EYA1: variants seen among roughly 807,000 people sequenced by gnomAD.
The protein encoded by EYA1 is protein phosphatase EYA1.
EYA1 carries 16 observed loss-of-function variants against 82.0 expected under a neutral mutation model. The ratio of observed to expected loss-of-function variants is 0.20; its 90% CI spans 0.13 to 0.30. EYA1 has a LOEUF of 0.30. EYA1 is among the 10% of genes least tolerant of loss of function. EYA1 has a pLI of 1.00. For missense variants in EYA1, 633 were observed against 730.7 expected, an observed-to-expected ratio of 0.87 and a Z score of 1.54; for synonymous variants, 261 against 264.4, an observed-to-expected ratio of 0.99 and a Z score of 0.12.
At chr8:71,520,771 G>A (rs1001538338) in intron 2 of EYA1, among the ~76,000 whole-genome samples, 6 of 151,930 alleles carry the variant, frequency 3.9e-5, no homozygotes, top group South Asian at 2.1e-4. Flanking sequence ...AATGAAGTTC[G>A]GAAATAAAGA....
At chr8:71,294,413 T>C (rs1246236637) in intron 9 of EYA1, among the ~76,000 whole-genome samples, 1 of 151,998 alleles carries the variant, frequency 6.6e-6, no homozygotes, top group African/African-American at 2.4e-5. Context: ...TGAGCCGAGA[T>C]AGCGCCACGC....
intron 11 of EYA1, among the ~76,000 whole-genome samples, chr8:71,249,881 T>C (rs1422501230): frequency 6.6e-6 from 1 of 152,190 alleles, no homozygotes; most frequent in Non-Finnish European, 1.5e-5. Context: ...CCTACTGTAT[T>C]CATTCTTTAG....
At chr8:71,285,342 AGAAAG>A (rs1485929315) in intron 9 of EYA1, among the ~76,000 whole-genome samples, 1 of 152,038 alleles carries the variant, frequency 6.6e-6, no homozygotes, top group Non-Finnish European at 1.5e-5. Flanking sequence ...ATGAGAAACT[AGAAAG>A]GAGAGACTCC....
chr8:71,232,520 G>T (rs1401045861), intron 12 of EYA1, among the ~76,000 whole-genome samples: 1 of 152,188 alleles, frequency 6.6e-6, no homozygotes, highest in Non-Finnish European at 1.5e-5. Flanking sequence ...ACACTGTGAC[G>T]GGAACCAGAT....
At chr8:71,206,731 G>T (rs1048638440) in intron 17 of EYA1, among the ~76,000 whole-genome samples, 1 of 151,988 alleles carries the variant, frequency 6.6e-6, no homozygotes, top group Admixed American at 6.6e-5. Context: ...AGAGGGACTG[G>T]GATATAATAA....
At chr8:71,457,660 G>A (rs2129186311) in intron 2 of EYA1, among the ~76,000 whole-genome samples, 1 of 152,142 alleles carries the variant, frequency 6.6e-6, no homozygotes, top group Middle Eastern at 3.4e-3. Flanking sequence ...CTATCACAAG[G>A]ACAAAAAACC....
At chr8:71,230,488 C>T (rs747526494) in intron 12 of EYA1, among the ~76,000 whole-genome samples, 7 of 152,186 alleles carry the variant, frequency 4.6e-5, no homozygotes, top group South Asian at 4.1e-4. Context: ...CTGCAGGCAC[C>T]GGCCAGGAGC....
intron 2 of EYA1, among the ~76,000 whole-genome samples, chr8:71,489,069 C>A (rs373586816): frequency 6.6e-6 from 1 of 152,144 alleles, no homozygotes; most frequent in African/African-American, 2.4e-5. Context: ...TTAGGGTTCA[C>A]GCCAGGAAAG....
At chr8:71,492,499 C>CT (rs1811081226) in intron 2 of EYA1, among the ~76,000 whole-genome samples, 1 of 149,718 alleles carries the variant, frequency 6.7e-6, no homozygotes, top group Admixed American at 6.7e-5. Context: ...GAGTCTCGCT[C>CT]TGTTGCCCAG....
At chr8:71,469,673 T>A (rs1006162942) in intron 2 of EYA1, among the ~76,000 whole-genome samples, 1 of 152,096 alleles carries the variant, frequency 6.6e-6, no homozygotes. Flanking sequence ...GAATGCCCAT[T>A]AGGTGCATCC....
At chr8:71,201,431 A>ACT (rs151033006) in intron 17 of EYA1, among the ~76,000 whole-genome samples, 35 of 149,334 alleles carry the variant, frequency 2.3e-4, no homozygotes, top group African/African-American at 8.6e-4. Flanking sequence ...GTTCAAACTA[A>ACT]CTCTCTCTCT....
chr8:71,488,171 A>G (rs1282690480), intron 2 of EYA1, among the ~76,000 whole-genome samples: 1 of 152,172 alleles, frequency 6.6e-6, no homozygotes, highest in Non-Finnish European at 1.5e-5. Flanking sequence ...TACATCAATG[A>G]TATACATCAA....
intron 7 of EYA1, among the ~76,000 whole-genome samples, chr8:71,303,315 T>TACACAC (rs58345968): frequency 0.025 from 3,325 of 131,958 alleles, 299 homozygotes; most frequent in African/African-American, 0.084. Flanking sequence ...ACATTTGATA[T>TACACAC]ACACACACAC....
chr8:71,418,764 A>G (rs965445496), intron 2 of EYA1, among the ~76,000 whole-genome samples: 3 of 152,142 alleles, frequency 2.0e-5, no homozygotes, highest in Non-Finnish European at 2.9e-5. Context: ...CCAGATGACG[A>G]TGAGTGCTGT....
chr8:71,302,092 T>C (rs1820261759), intron 7 of EYA1, among the ~76,000 whole-genome samples: 1 of 152,212 alleles, frequency 6.6e-6, no homozygotes, highest in African/African-American at 2.4e-5. Flanking sequence ...TCAATGCTTT[T>C]TTAAAAGAAA....
chr8:71,203,294 C>T (rs1807299590), intron 17 of EYA1, among the ~76,000 whole-genome samples: 1 of 152,148 alleles, frequency 6.6e-6, no homozygotes, highest in Non-Finnish European at 1.5e-5. Context: ...CTGCATAGCA[C>T]CGTAGCTACA....
chr8:71,361,075 C>T (rs1586545600), intron 1 of EYA1, among the ~76,000 whole-genome samples: 1 of 152,228 alleles, frequency 6.6e-6, no homozygotes, highest in East Asian at 1.9e-4. Context: ...TGTTATATCA[C>T]CTTCTGAAGA....
chr8:71,501,787 G>T (rs1022001852), intron 2 of EYA1, among the ~76,000 whole-genome samples: 2 of 152,192 alleles, frequency 1.3e-5, no homozygotes, highest in Non-Finnish European at 2.9e-5. Context: ...CGGAAAGTCA[G>T]TTTTTCTGGA....
At chr8:71,317,710 TTATC>T (rs1822079146) in intron 6 of EYA1, 21 bp from the exon 7 acceptor site, 2 of 1,613,116 alleles carry the variant, frequency 1.2e-6, no homozygotes, top group East Asian at 2.2e-5. Context: ...TAGTGATAGC[TTATC>T]TATCTGTCCA....
Sources: allele counts gnomAD v4.1 joint callset (sites outside exome capture counted in the v4.1 genomes callset), GRCh38; gene constraint gnomAD v4.1.1; transcripts MANE v1.5; gene names NCBI Gene and HGNC (gene_info 2026-07-23, HGNC 2026-07-21).